Variants in MYH10 observed in about 807,000 individuals in gnomAD.
The protein encoded by MYH10 is myosin-10.
MYH10 carries 55 observed loss-of-function variants against 257.8 expected under a neutral mutation model. The observed-to-expected ratio is 0.21, with a 90% CI of 0.17 to 0.27. MYH10 has a LOEUF of 0.27. Ranked by LOEUF, MYH10 falls within the 10% of genes least tolerant of loss-of-function variation. The pLI, the probability that MYH10 is intolerant of heterozygous loss-of-function variation, is 1.00. For synonymous variants in MYH10, 854 were observed against 921.7 expected, an observed-to-expected ratio of 0.93 and a Z score of 1.33; for missense variants, 1,631 against 2,500.6, an observed-to-expected ratio of 0.65 and a Z score of 7.42.
chr17:8,614,731 T>C (rs763178270), intron 2 of MYH10, among the ~76,000 whole-genome samples: 31 of 152,190 alleles, frequency 2.0e-4, no homozygotes, highest in Non-Finnish European at 2.5e-4. Context: ...GCTACAGCAG[T>C]ACTTAGAATG....
At position 8,592,366 on chromosome 17, in the gene MYH10, C is replaced by T. The variant is rs151327441; in HGVS notation, c.503-3258G>A. On this transcript the variant is annotated intron_variant, in intron 3 of 42. Transcript: ENST00000360416. ...AAATCAATGAAACCAAATGTTCCTT[C>T]TTTGAGAAGATCAATGGTATTGACA... 6.8e-3 allele frequency among the ~76,000 whole-genome samples: 1,032 copies of T among 152,058 alleles called. 14 individuals carry two copies. The highest frequency in any genetic ancestry group is 0.024 in the African/African-American group (996 of 41,480).
At chr17:8,588,651 C>T (rs1743063932) in intron 4 of MYH10, among the ~76,000 whole-genome samples, 1 of 152,148 alleles carries the variant, frequency 6.6e-6, no homozygotes, top group South Asian at 2.1e-4. Context: ...ACTCCATTTT[C>T]CACACTGCTG....
At chr17:8,575,192 G>T (rs527290404) in intron 6 of MYH10, among the ~76,000 whole-genome samples, 1 of 152,254 alleles carries the variant, frequency 6.6e-6, no homozygotes, top group South Asian at 2.1e-4. Context: ...AATCTAGGTG[G>T]GGGTAGGCAT....
chr17:8,582,365 T>C (rs1338633541), intron 4 of MYH10, among the ~76,000 whole-genome samples: 1 of 152,188 alleles, frequency 6.6e-6, no homozygotes, highest in Non-Finnish European at 1.5e-5. Flanking sequence ...AAAGGGAATC[T>C]GACCTCATTT....
chr17:8,518,619 A>C lies in MYH10; in HGVS notation c.2504+12T>G. ...TCCTCAGTGAACGATTAATTCGTGA[A>C]TACCCACTCACTTTCTGGCCAGGTA... On this transcript the variant is annotated intron_variant, in intron 21 of 42. Coordinates refer to ENST00000360416, the MANE Select transcript of MYH10 (RefSeq NM_001256012.3). The C allele has an allele frequency of 6.2e-7, 1 of 1,608,276 alleles. No homozygotes were observed. The highest frequency in any genetic ancestry group is 8.5e-7 in the Non-Finnish European group (1 of 1,177,334).
At position 8,521,079 on chromosome 17, in the gene MYH10, G is replaced by T. The variant is rs769385652; in HGVS notation, c.2151+13C>A. ...AGTTTTAAATACTAGCATATGTTTT[G>T]CTCAGCACGTACCCTCTTCTCGTGA... On this transcript the variant is annotated intron_variant, in intron 18 of 42. Transcript: ENST00000360416. 6.2e-7 allele frequency: 1 copy of T among 1,614,074 alleles called. No individual in the cohort carries two copies. Among genetic ancestry groups the T allele is most frequent in the African/African-American group, 1.3e-5 (1 of 75,040 alleles).
chr17:8,584,984 T>C (rs1401892283), intron 4 of MYH10, among the ~76,000 whole-genome samples: 4 of 151,992 alleles, frequency 2.6e-5, no homozygotes, highest in East Asian at 1.9e-4. Context: ...GCTGAGATTA[T>C]AGGCATGCAC....
chr17:8,479,975 A>G, intron 40 of MYH10, 135 bp downstream of exon 40: 1 of 795,612 alleles, frequency 1.3e-6, no homozygotes, highest in Non-Finnish European at 2.0e-6. Context: ...GCTCACACCA[A>G]CTTCTGTGTC....
At chr17:8,524,434 A>T (rs1237296717) in intron 17 of MYH10, among the ~76,000 whole-genome samples, 1 of 121,150 alleles carries the variant, frequency 8.3e-6, no homozygotes, top group Non-Finnish European at 1.6e-5. Flanking sequence ...TGGGCAACAG[A>T]GCGAGACTCT....
chr17:8,495,694 CT>C (rs1210706805), intron 30 of MYH10, among the ~76,000 whole-genome samples: 1 of 151,686 alleles, frequency 6.6e-6, no homozygotes, highest in Non-Finnish European at 1.5e-5. Flanking sequence ...CTTGAAGCTT[CT>C]ATAAAAGGGG....
intron 7 of MYH10, among the ~76,000 whole-genome samples, chr17:8,556,784 C>G (rs530013229): frequency 6.6e-6 from 1 of 152,280 alleles, no homozygotes; most frequent in Admixed American, 6.5e-5. Flanking sequence ...CAAAAACAAT[C>G]AAGGGAGAGA....
intron 3 of MYH10, among the ~76,000 whole-genome samples, chr17:8,601,109 T>C (rs920538899): frequency 6.6e-6 from 1 of 152,128 alleles, no homozygotes; most frequent in African/African-American, 2.4e-5. Context: ...CCCCTGCAGG[T>C]ATTGTTACAG....
intron 2 of MYH10, among the ~76,000 whole-genome samples, chr17:8,618,251 C>CTTT (rs149959575): frequency 1.4e-5 from 2 of 142,490 alleles, no homozygotes; most frequent in African/African-American, 2.6e-5. Flanking sequence ...TTCCTTTTTT[C>CTTT]TTTTTTTTTT....
At chr17:8,534,363 G>A (rs546261957) in intron 16 of MYH10, among the ~76,000 whole-genome samples, 46 of 152,250 alleles carry the variant, frequency 3.0e-4, no homozygotes, top group South Asian at 1.2e-3. Context: ...GGACGCATGC[G>A]TGCCTGTGTT....
rs1912953451 is a variant in MYH10 at position 8,477,884 on chromosome 17, G to A, written c.5706+454C>T. 6.6e-6 allele frequency among the ~76,000 whole-genome samples: 1 copy of A among 152,174 alleles called. No individual in the cohort carries two copies. The highest frequency in any genetic ancestry group is 2.4e-5 in the African/African-American group (1 of 41,420). The stretch of plus-strand genomic sequence containing the variant: ...ACATTCCCTGTGTACTTAGAAAAGG[G>A]GGCCTGGATGCAGACGCTGAAGCTC... On this transcript the variant is annotated intron_variant, in intron 41 of 42. Coordinates refer to ENST00000360416, the MANE Select transcript of MYH10 (RefSeq NM_001256012.3). This position sits in a 1 kb window ranked among gnomAD's most constrained non-coding sequence, Gnocchi z 4.2.
intron 7 of MYH10, chr17:8,560,932 G>A: frequency 2.1e-6 from 1 of 475,998 alleles, no homozygotes; most frequent in Non-Finnish European, 3.9e-6. Context: ...AGACTGGCAA[G>A]AAGATCACCA....
At chr17:8,549,783 C>T (rs971943852) in intron 9 of MYH10, among the ~76,000 whole-genome samples, 3 of 151,976 alleles carry the variant, frequency 2.0e-5, no homozygotes, top group African/African-American at 4.8e-5. Context: ...CATCTCGGCT[C>T]GCTGCAGCCT....
chr17:8,614,307 C>CTTTTTTT lies in MYH10; in HGVS notation c.345+8588_345+8594dup, dbSNP rs35801623. ...GATTTAGAAAGTAAGCAATTCACTT[C>CTTTTTTT]TTTTTTTTTTTTTTTTTTTTTTTTT... On this transcript the variant is annotated intron_variant, in intron 2 of 42. Coordinates refer to ENST00000360416, the MANE Select transcript of MYH10 (RefSeq NM_001256012.3). Among the ~76,000 whole-genome samples, 128 of 77,130 alleles carry CTTTTTTT rather than the reference C, an allele frequency of 1.7e-3. 20 individuals are homozygous for CTTTTTTT. The highest frequency in any genetic ancestry group is 2.4e-3 in the Non-Finnish European group (98 of 40,672). 50.6% of individuals were successfully genotyped at this position (77,130 alleles called of 152,430 possible).
intron 3 of MYH10, among the ~76,000 whole-genome samples, chr17:8,594,323 C>T (rs1164279197): frequency 1.3e-5 from 2 of 151,932 alleles, no homozygotes; most frequent in East Asian, 3.8e-4. Context: ...TATACAGATG[C>T]AAAATAAGCA....
Sources: allele counts gnomAD v4.1 joint callset (sites outside exome capture counted in the v4.1 genomes callset), GRCh38; gene constraint gnomAD v4.1.1; non-coding constraint Gnocchi (gnomAD v3.1); transcripts MANE v1.5; gene names NCBI Gene and HGNC (gene_info 2026-07-23, HGNC 2026-07-21).